Variants in CNTNAP4 observed in about 807,000 individuals in gnomAD.
The protein encoded by CNTNAP4 is contactin associated protein family member 4, also known as contactin-associated protein-like 4.
A neutral mutation model predicts 148.4 loss-of-function variants in CNTNAP4; 98 were observed. The observed-to-expected ratio is 0.66, with a 90% CI of 0.56 to 0.78. The LOEUF is 0.78. Among genes scored for constraint, CNTNAP4 ranks in the 30% least tolerant of loss-of-function variants. The pLI is 0.00. For missense variants in CNTNAP4, 1,935 were observed against 1,565.6 expected, an observed-to-expected ratio of 1.24 and a Z score of -3.98; for synonymous variants, 730 against 565.1, an observed-to-expected ratio of 1.29 and a Z score of -4.14.
intron 9 of CNTNAP4, among the ~76,000 whole-genome samples, chr16:76,464,159 A>G (rs1568279962): frequency 6.6e-6 from 1 of 152,210 alleles, no homozygotes; most frequent in Non-Finnish European, 1.5e-5. Flanking sequence ...AACCAGGTTA[A>G]GGCGATCCAT....
chr16:76,420,749 C>T (rs1286760888), intron 3 of CNTNAP4, among the ~76,000 whole-genome samples: 2 of 152,048 alleles, frequency 1.3e-5, no homozygotes, highest in African/African-American at 4.8e-5. Flanking sequence ...TTAGTTATCC[C>T]TAAAGAGAAA....
chr16:76,354,156 G>A (rs181776646), intron 2 of CNTNAP4, among the ~76,000 whole-genome samples: 1 of 152,260 alleles, frequency 6.6e-6, no homozygotes, highest in Admixed American at 6.5e-5. Flanking sequence ...AACATTAAAT[G>A]TTAGATAATA....
intron 3 of CNTNAP4, among the ~76,000 whole-genome samples, chr16:76,387,477 G>A (rs915283420): frequency 2.6e-5 from 4 of 151,980 alleles, no homozygotes; most frequent in Non-Finnish European, 4.4e-5. Context: ...TCATTATTTT[G>A]TCATTTTTGA....
At chr16:76,431,671 TC>T (rs2079610853) in intron 4 of CNTNAP4, among the ~76,000 whole-genome samples, 1 of 152,100 alleles carries the variant, frequency 6.6e-6, no homozygotes, top group African/African-American at 2.4e-5. Context: ...AGAGTGAGAC[TC>T]TGTCTCAAAA....
At chr16:76,389,658 C>T (rs143946543) in intron 3 of CNTNAP4, among the ~76,000 whole-genome samples, 40 of 151,942 alleles carry the variant, frequency 2.6e-4, no homozygotes, top group Non-Finnish European at 3.2e-4. Flanking sequence ...AACAGGGTTT[C>T]GCCATGTTGT....
intron 2 of CNTNAP4, among the ~76,000 whole-genome samples, chr16:76,321,889 A>G (rs1962458363): frequency 6.6e-6 from 1 of 152,074 alleles, no homozygotes; most frequent in Non-Finnish European, 1.5e-5. Flanking sequence ...AGAGTAAGAT[A>G]TAACTTTTGT....
intron 11 of CNTNAP4, among the ~76,000 whole-genome samples, 189 bp from the exon 12 acceptor site, chr16:76,479,230 G>C (rs1301832729): frequency 6.6e-6 from 1 of 151,460 alleles, no homozygotes; most frequent in East Asian, 1.9e-4. Flanking sequence ...TTCTTTTTTT[G>C]CTATCAAATC....
chr16:76,423,127 C>T (rs2079249540), intron 3 of CNTNAP4, among the ~76,000 whole-genome samples: 1 of 152,150 alleles, frequency 6.6e-6, no homozygotes, highest in Non-Finnish European at 1.5e-5. Context: ...CTGGTGCCTT[C>T]ATTTTGGACT....
intron 2 of CNTNAP4, among the ~76,000 whole-genome samples, chr16:76,333,531 TC>T (rs1167106663): frequency 1.3e-5 from 2 of 152,170 alleles, no homozygotes; most frequent in Non-Finnish European, 2.9e-5. Context: ...TTCCTTTAGC[TC>T]TTTGAGCGTA....
chr16:76,459,017 A>G (rs1052955629), intron 8 of CNTNAP4, among the ~76,000 whole-genome samples: 1 of 152,106 alleles, frequency 6.6e-6, no homozygotes, highest in Non-Finnish European at 1.5e-5. Flanking sequence ...TCAATTTGCA[A>G]TAGATCAGAT....
At chr16:76,368,260 A>G (rs2014390073) in intron 3 of CNTNAP4, among the ~76,000 whole-genome samples, 1 of 152,230 alleles carries the variant, frequency 6.6e-6, no homozygotes, top group African/African-American at 2.4e-5. Flanking sequence ...ATTCCCAATA[A>G]TAATGACACA....
intron 3 of CNTNAP4, among the ~76,000 whole-genome samples, chr16:76,426,911 G>T (rs992069174): frequency 6.6e-6 from 1 of 152,154 alleles, no homozygotes; most frequent in Non-Finnish European, 1.5e-5. Context: ...GCATTGTGCT[G>T]CTGAGGTTTA....
intron 3 of CNTNAP4, among the ~76,000 whole-genome samples, chr16:76,408,840 G>A (rs778563046): frequency 3.0e-4 from 46 of 151,288 alleles, no homozygotes; most frequent in Admixed American, 8.2e-4. Context: ...TCCATTCTCT[G>A]AACATGTTCT....
rs114269427 is a variant in CNTNAP4, at chr16:76,294,499, T to C, written c.85+16752T>C. Among the ~76,000 whole-genome samples, 781 of 152,284 alleles carry C rather than the reference T, an allele frequency of 5.1e-3. 4 individuals are homozygous for C. The highest frequency in any genetic ancestry group is 0.013 in the African/African-American group (532 of 41,554). On this transcript the variant is annotated intron_variant, in intron 1 of 23. Coordinates refer to ENST00000611870, the MANE Select transcript of CNTNAP4 (RefSeq NM_033401.5). ...TAAATGTACTCTGTAATAGCACACT[T>C]TGGGACTCTGGTTATTTTTCCATTG... is the stretch of plus-strand genomic sequence containing the variant.
chr16:76,514,612 A>G (rs1372133636), intron 15 of CNTNAP4, among the ~76,000 whole-genome samples: 4 of 152,282 alleles, frequency 2.6e-5, no homozygotes, highest in East Asian at 1.9e-4. Flanking sequence ...GGAAACATCT[A>G]TGAACAGCTT....
At chr16:76,340,845 T>G (rs1467268147) in intron 2 of CNTNAP4, among the ~76,000 whole-genome samples, 1 of 152,186 alleles carries the variant, frequency 6.6e-6, no homozygotes, top group Non-Finnish European at 1.5e-5. Flanking sequence ...CAAGGAGATA[T>G]GTCTGCACTG....
At chr16:76,462,327 T>G (rs769026057) in intron 9 of CNTNAP4, among the ~76,000 whole-genome samples, 8 of 152,224 alleles carry the variant, frequency 5.3e-5, no homozygotes, top group Non-Finnish European at 7.3e-5. Context: ...TTGATGAGAT[T>G]GATTTTAAGT....
chr16:76,364,757 A>G (rs955252604), intron 3 of CNTNAP4, among the ~76,000 whole-genome samples: 2 of 152,172 alleles, frequency 1.3e-5, no homozygotes, highest in African/African-American at 4.8e-5. Context: ...TCTTTAATTT[A>G]TATACTTTAT....
intron 2 of CNTNAP4, among the ~76,000 whole-genome samples, chr16:76,333,193 A>G (rs189311841): frequency 3.3e-5 from 5 of 152,306 alleles, no homozygotes; most frequent in Admixed American, 2.0e-4. Flanking sequence ...GTGCCATACC[A>G]CTAAGTGACA....
Sources: allele counts gnomAD v4.1 joint callset (sites outside exome capture counted in the v4.1 genomes callset), GRCh38; gene constraint gnomAD v4.1.1; transcripts MANE v1.5; gene names NCBI Gene and HGNC (gene_info 2026-07-23, HGNC 2026-07-21).